Variants in CPLANE1 observed in about 807,000 individuals in gnomAD.
CPLANE1 encodes the protein ciliogenesis and planar polarity effector 1.
In CPLANE1, 263 loss-of-function variants were observed where a neutral mutation model predicts 362.5. That is an observed-to-expected ratio of 0.73 (90% CI 0.66 to 0.80). The LOEUF (loss-of-function observed/expected upper bound fraction) is 0.80. Ranked by LOEUF, CPLANE1 falls within the 30% of genes least tolerant of loss-of-function variation. The pLI, the probability that CPLANE1 is intolerant of heterozygous loss-of-function variation, is 0.00. For synonymous variants in CPLANE1, 1,212 were observed against 1,302.6 expected (o/e 0.93, Z 1.50); for missense variants, 3,461 against 3,793.4 (o/e 0.91, Z 2.30).
intron 30 of CPLANE1, among the ~76,000 whole-genome samples, chr5:37,177,420 C>T (rs1012684902): frequency 1.6e-4 from 24 of 152,130 alleles, no homozygotes; most frequent in South Asian, 1.0e-3. Context: ...TTTTAGATAT[C>T]ATTATTTATT....
At chr5:37,155,006 GACA>G (rs1774668128) in intron 41 of CPLANE1, among the ~76,000 whole-genome samples, 1 of 152,156 alleles carries the variant, frequency 6.6e-6, no homozygotes, top group East Asian at 1.9e-4. Flanking sequence ...GATCCAAAGT[GACA>G]ACAAGTATTG....
At chr5:37,156,844 T>C (rs774082982) in intron 41 of CPLANE1, among the ~76,000 whole-genome samples, 18 of 152,132 alleles carry the variant, frequency 1.2e-4, no homozygotes, top group Non-Finnish European at 1.6e-4. Flanking sequence ...ACTATGCTCA[T>C]TACCTGGGTG....
intron 44 of CPLANE1, chr5:37,141,085 T>A: frequency 1.0e-6 from 1 of 985,412 alleles, no homozygotes. Flanking sequence ...CAGTTACTAA[T>A]TCAAAATGTC....
At chr5:37,194,745 C>G (rs947161310) in intron 21 of CPLANE1, among the ~76,000 whole-genome samples, 1 of 150,826 alleles carries the variant, frequency 6.6e-6, no homozygotes, top group Non-Finnish European at 1.5e-5. Flanking sequence ...TCATTGCACA[C>G]AAGACCCTCA....
At position 37,143,050 on chromosome 5, in the gene CPLANE1, T is replaced by G. The variant is rs185567711; in HGVS notation, c.8462-570A>C. ...GCTGAGAGAAAAATAAAAGTCAACT[T>G]TGAGAAATCAACACCCTGACTTGCC... is the stretch of plus-strand genomic sequence containing the variant. On this transcript the variant is annotated intron_variant, in intron 43 of 52. Transcript: ENST00000651892. Among the ~76,000 whole-genome samples the G allele has an allele frequency of 3.5e-3, 526 of 152,316 alleles. 2 individuals carry two copies. Among genetic ancestry groups the G allele is most frequent in the African/African-American group, 0.012 (506 of 41,570 alleles).
chr5:37,107,252 T>G lies in CPLANE1; in HGVS notation c.*350A>C. The G allele has an allele frequency of 2.0e-6, 2 of 1,020,244 alleles. No homozygotes were observed. The highest frequency in any genetic ancestry group is 2.3e-6 in the Non-Finnish European group (2 of 853,392). The allele number at this position is 1,020,244 out of a possible 1,614,324, so 63.2% of individuals were successfully genotyped here. ...AGATTCATCTGTATATGGTTGTTTCTCAAAACTCAGAGGGTAATAAAGGAG... is the reference window on the plus strand; with the variant it reads ...AGATTCATCTGTATATGGTTGTTTCGCAAAACTCAGAGGGTAATAAAGGAG... On this transcript the variant is annotated 3_prime_UTR_variant, in exon 53 of 53. Coordinates refer to ENST00000651892, the MANE Select transcript of CPLANE1 (RefSeq NM_001384732.1).
chr5:37,157,256 G>T, intron 41 of CPLANE1, 57 bp downstream of exon 41: 1 of 1,104,178 alleles, frequency 9.1e-7, no homozygotes, highest in Non-Finnish European at 1.2e-6. Context: ...TTTGGTGCTT[G>T]TTTCCAATAC....
rs1456892492 is a variant in CPLANE1, at chr5:37,187,361, C to A, written c.4080+53G>T. On this transcript the variant is annotated intron_variant, in intron 23 of 52. Coordinates refer to ENST00000651892, the MANE Select transcript of CPLANE1 (RefSeq NM_001384732.1). ...TCCTTAATTAAAATTAAATAAAAATCTTTTAAAGTCTCTGATTCTGATGTA... is the reference window on the plus strand; with the variant it reads ...TCCTTAATTAAAATTAAATAAAAATATTTTAAAGTCTCTGATTCTGATGTA... The A allele has an allele frequency of 1.7e-5, 23 of 1,385,998 alleles. No homozygotes were observed. The South Asian group carries it at 2.3e-4, about 14-fold the overall frequency. The allele number at this position is 1,385,998 out of a possible 1,614,324, so 85.9% of individuals were successfully genotyped here.
At chr5:37,087,839 G>C in the CPLANE1 span, among the ~76,000 whole-genome samples, 2 of 152,238 alleles carry the variant, frequency 1.3e-5, no homozygotes, top group Admixed American at 1.3e-4. Context: ...CGAAAGGAAT[G>C]ATTAAGGCCT....
chr5:37,102,159 T>TA (rs1757323121), downstream of CPLANE1, among the ~76,000 whole-genome samples: 1 of 152,080 alleles, frequency 6.6e-6, no homozygotes, highest in African/African-American at 2.4e-5. Context: ...CTTGGTTCTC[T>TA]AGTTTTTTGC....
At chr5:37,247,574 TA>T (rs1386833735) in intron 2 of CPLANE1, 43 bp downstream of exon 2, 1 of 1,491,550 alleles carries the variant, frequency 6.7e-7, no homozygotes, top group South Asian at 1.2e-5. Context: ...AACACACATA[TA>T]ACATATATAA....
At chr5:37,221,527 C>A in intron 14 of CPLANE1, 39 bp from the exon 15 acceptor site, 1 of 1,394,752 alleles carries the variant, frequency 7.2e-7, no homozygotes, top group Admixed American at 3.2e-5. Flanking sequence ...AGTATGTAAG[C>A]AAAGGAATGC....
At chr5:37,119,848 G>A (rs891998312) in intron 50 of CPLANE1, among the ~76,000 whole-genome samples, 4 of 150,314 alleles carry the variant, frequency 2.7e-5, no homozygotes, top group African/African-American at 9.8e-5. Flanking sequence ...TTAGCCGGGC[G>A]TGGTGGTGGG....
In CPLANE1 at chr5:37,108,461, A is replaced by G. The variant is rs1579741775; in HGVS notation, c.9411T>C (p.Ala3137=). Residue 3137 remains alanine, a synonymous_variant, in exon 52 of 53, where the codon GCT becomes GCC. Coordinates refer to ENST00000651892, the MANE Select transcript of CPLANE1 (RefSeq NM_001384732.1). ...SPVTFQKGSN[A]PCHSLQHTKK... is the part of the protein sequence containing the mutation. ...TTGTATGCTGCAGACTATGACACGG[A>G]GCATTAGAGCCTTTTAAGGGATAAG... 1 of 1,612,632 alleles carries G rather than the reference A, an allele frequency of 6.2e-7. No individual in the cohort carries two copies.
chr5:37,137,245 G>T (rs1767993161), intron 46 of CPLANE1, among the ~76,000 whole-genome samples: 1 of 152,134 alleles, frequency 6.6e-6, no homozygotes. Context: ...CAGTCTCGTT[G>T]CTAAAACATA....
At chr5:37,134,519 T>A (rs992375321) in intron 46 of CPLANE1, among the ~76,000 whole-genome samples, 4 of 152,162 alleles carry the variant, frequency 2.6e-5, no homozygotes, top group Non-Finnish European at 5.9e-5. Flanking sequence ...CTTATTTGGA[T>A]CTTCTCTCTT....
chr5:37,164,659 T>G (rs1207168664), intron 36 of CPLANE1, among the ~76,000 whole-genome samples: 1 of 152,192 alleles, frequency 6.6e-6, no homozygotes, highest in African/African-American at 2.4e-5. Context: ...TCAACAAACA[T>G]TTGTACTAAG....
intron 47 of CPLANE1, among the ~76,000 whole-genome samples, chr5:37,124,199 TTATCC>T (rs1763504136): frequency 6.6e-6 from 1 of 152,228 alleles, no homozygotes; most frequent in Non-Finnish European, 1.5e-5. Flanking sequence ...AAAGAATTTG[TTATCC>T]TAATGATGCT....
At chr5:37,211,675 T>C in intron 16 of CPLANE1, 1 of 790,534 alleles carries the variant, frequency 1.3e-6, no homozygotes. Context: ...CCTGACAGAA[T>C]GCCCCCGCCA....
Sources: allele counts gnomAD v4.1 joint callset (sites outside exome capture counted in the v4.1 genomes callset), GRCh38; gene constraint gnomAD v4.1.1; transcripts MANE v1.5; gene names NCBI Gene and HGNC (gene_info 2026-07-23, HGNC 2026-07-21).